The following GRIK2 variants were observed in gnomAD, a reference collection of about 807,000 sequenced individuals.
GRIK2 encodes the protein glutamate ionotropic receptor kainate type subunit 2, also known as glutamate receptor ionotropic, kainate 2.
Under a neutral mutation model 100.3 loss-of-function variants are expected in GRIK2, and 32 were observed. The ratio of observed to expected loss-of-function variants is 0.32; its 90% CI spans 0.24 to 0.43. GRIK2 has a LOEUF of 0.43. Ranked by LOEUF, GRIK2 falls within the 20% of genes least tolerant of loss-of-function variation. The pLI is 1.00. For missense variants in GRIK2, 843 were observed against 1,114.9 expected (o/e 0.76, Z 3.47); for synonymous variants, 417 against 389.4 (o/e 1.07, Z -0.83).
chr6:101,825,610 A>AGTTTC (rs3055070), intron 10 of GRIK2, among the ~76,000 whole-genome samples: 44,524 of 151,524 alleles, frequency 0.29, 9,207 homozygotes, highest in East Asian at 0.67. Context: ...ACTTATAAGC[A>AGTTTC]GTTTTGCCTT....
chr6:101,659,649 C>G (rs2128333046), intron 4 of GRIK2, among the ~76,000 whole-genome samples: 1 of 152,224 alleles, frequency 6.6e-6, no homozygotes, highest in Middle Eastern at 3.4e-3. Flanking sequence ...TTCAGGAGCT[C>G]TTGTAAGACA....
intron 10 of GRIK2, among the ~76,000 whole-genome samples, chr6:101,840,163 A>G (rs1783404866): frequency 6.6e-6 from 1 of 152,196 alleles, no homozygotes; most frequent in Non-Finnish European, 1.5e-5. Flanking sequence ...ATTATAAATT[A>G]TGGGCTTCCA....
chr6:101,781,541 A>G (rs1251414047), intron 7 of GRIK2, among the ~76,000 whole-genome samples: 1 of 152,172 alleles, frequency 6.6e-6, no homozygotes, highest in Non-Finnish European at 1.5e-5. Flanking sequence ...TAGTAGATAC[A>G]TACATATACA....
At chr6:101,700,283 C>A (rs1772795709) in intron 7 of GRIK2, among the ~76,000 whole-genome samples, 1 of 151,742 alleles carries the variant, frequency 6.6e-6, no homozygotes, top group Non-Finnish European at 1.5e-5. Context: ...GTACAGGACA[C>A]CCCTGCTATA....
intron 4 of GRIK2, among the ~76,000 whole-genome samples, chr6:101,647,805 C>CTAG (rs1485199356): frequency 3.3e-5 from 5 of 151,936 alleles, no homozygotes. Flanking sequence ...ATCTTATGAA[C>CTAG]TAGTATATTA....
intron 14 of GRIK2, among the ~76,000 whole-genome samples, chr6:101,998,815 T>TC (rs1794780956): frequency 7.0e-6 from 1 of 143,132 alleles, no homozygotes; most frequent in Non-Finnish European, 1.5e-5. Context: ...TTCTTTTCTT[T>TC]TTTTTTTTTT....
intron 10 of GRIK2, among the ~76,000 whole-genome samples, chr6:101,833,912 A>G (rs538918816): frequency 5.3e-5 from 8 of 152,258 alleles, no homozygotes; most frequent in African/African-American, 1.9e-4. Flanking sequence ...AACTGGTTTC[A>G]GAGCATTTAC....
intron 11 of GRIK2, among the ~76,000 whole-genome samples, chr6:101,887,443 A>G (rs534103275): frequency 3.9e-5 from 6 of 152,012 alleles, no homozygotes; most frequent in Non-Finnish European, 8.8e-5. Context: ...ACACATACAT[A>G]AATTGTGCTG....
chr6:101,937,109 C>T (rs894695578), intron 14 of GRIK2, among the ~76,000 whole-genome samples: 1 of 152,138 alleles, frequency 6.6e-6, no homozygotes, highest in Non-Finnish European at 1.5e-5. Flanking sequence ...TGTATTAACG[C>T]AGCTTTGGGC....
chr6:102,065,288 G>T (rs969897155), intron 16 of GRIK2, among the ~76,000 whole-genome samples: 2 of 151,016 alleles, frequency 1.3e-5, no homozygotes, highest in African/African-American at 4.8e-5. Flanking sequence ...TACTATTCTG[G>T]TAATTGATTA....
At chr6:101,966,695 A>G (rs1792695898) in intron 14 of GRIK2, among the ~76,000 whole-genome samples, 2 of 152,048 alleles carry the variant, frequency 1.3e-5, no homozygotes, top group Admixed American at 1.3e-4. Flanking sequence ...TCCCCTCCTC[A>G]CTTGCTCTGA....
chr6:101,519,641 T>C (rs2518244), intron 2 of GRIK2, among the ~76,000 whole-genome samples: 16,277 of 151,990 alleles, frequency 0.11, 1,024 homozygotes, highest in Middle Eastern at 0.13. Context: ...GGATTTTTTT[T>C]CCCCATTGTA....
At chr6:101,574,425 A>G (rs1036113759) in intron 2 of GRIK2, among the ~76,000 whole-genome samples, 19 of 149,710 alleles carry the variant, frequency 1.3e-4, no homozygotes, top group Admixed American at 4.7e-4. Context: ...ACAGTTATGT[A>G]TGTATATATA....
At chr6:101,518,136 G>A (rs1345185478) in intron 2 of GRIK2, among the ~76,000 whole-genome samples, 1 of 152,052 alleles carries the variant, frequency 6.6e-6, no homozygotes, top group Non-Finnish European at 1.5e-5. Flanking sequence ...GTAAGATGGA[G>A]CATTTATTGG....
intron 14 of GRIK2, among the ~76,000 whole-genome samples, chr6:101,946,056 T>C (rs893850108): frequency 1.3e-5 from 2 of 151,824 alleles, no homozygotes; most frequent in Non-Finnish European, 2.9e-5. Context: ...GGATAAACCA[T>C]TTTACATACC....
chr6:101,492,114 T>C (rs569658637), intron 2 of GRIK2, among the ~76,000 whole-genome samples: 7 of 152,104 alleles, frequency 4.6e-5, no homozygotes, highest in African/African-American at 1.7e-4. Context: ...TTATTATTGC[T>C]TTTGGCATTA....
At chr6:101,395,230 G>A (rs1049972188) in intron 1 of GRIK2, among the ~76,000 whole-genome samples, 2 of 152,126 alleles carry the variant, frequency 1.3e-5, no homozygotes, top group Non-Finnish European at 2.9e-5. Flanking sequence ...GTATAAACAG[G>A]CTGTTTGTTT....
chr6:101,794,806 G>A (rs1780174765), intron 7 of GRIK2, among the ~76,000 whole-genome samples: 2 of 134,702 alleles, frequency 1.5e-5, no homozygotes, highest in South Asian at 4.9e-4. Flanking sequence ...TTTATTTCTT[G>A]TGTCCTTTTC....
intron 14 of GRIK2, among the ~76,000 whole-genome samples, chr6:102,010,727 A>G (rs1157833353): frequency 6.6e-6 from 1 of 150,730 alleles, no homozygotes; most frequent in Non-Finnish European, 1.5e-5. Context: ...TTTTTTTTTA[A>G]TGACTCCATA....
Sources: gnomAD v4.1 joint callset for allele counts (sites outside exome capture counted in the v4.1 genomes callset) on GRCh38, gnomAD v4.1.1 for gene constraint, MANE v1.5 for transcripts, NCBI Gene and HGNC (gene_info 2026-07-23, HGNC 2026-07-21) for gene names.